ACADM: variants seen among roughly 807,000 people sequenced by gnomAD.
The protein encoded by ACADM is medium-chain specific acyl-CoA dehydrogenase, mitochondrial.
In ACADM, 49 loss-of-function variants were observed where a neutral mutation model predicts 58.9. That is an observed-to-expected ratio of 0.83 (90% CI 0.66 to 1.06). ACADM has a LOEUF of 1.06. Among genes scored for constraint, ACADM ranks in the 50% least tolerant of loss-of-function variants. The pLI is 0.00. For missense variants in ACADM, 496 were observed against 507.0 expected (o/e 0.98, Z 0.21); for synonymous variants, 160 against 157.7 (o/e 1.01, Z -0.11).
At chr1:75,750,075 T>G (rs1440663591) in intron 9 of ACADM, among the ~76,000 whole-genome samples, 1 of 152,186 alleles carries the variant, frequency 6.6e-6, no homozygotes, top group East Asian at 1.9e-4. Context: ...ATTATAGAAA[T>G]TATTTTAGCA....
intron 10 of ACADM, among the ~76,000 whole-genome samples, chr1:75,753,522 T>C (rs1370379036): frequency 6.6e-6 from 1 of 152,022 alleles, no homozygotes; most frequent in Non-Finnish European, 1.5e-5. Context: ...ATAAACAAAT[T>C]TCAACCTAAT....
Position 75,761,365 on chromosome 1 carries a change from T to G in ACADM, c.1189T>G (p.Tyr397Asp), listed in dbSNP as rs759158371. 6.2e-7 allele frequency: 1 copy of G among 1,613,896 alleles called. No individual in the cohort carries two copies. The highest frequency in any genetic ancestry group is 1.3e-5 in the African/African-American group (1 of 75,062). Residue 397 changes from tyrosine (Y) to aspartate (D), a missense_variant, in exon 11 of 12, where the codon TAT becomes GAT. Coordinates refer to ENST00000370841, the MANE Select transcript of ACADM (RefSeq NM_000016.6). Reference protein sequence around the residue: ...VEKLMRDAKIYQIYEGTSQIQ... With the variant: ...VEKLMRDAKIDQIYEGTSQIQ... ...AAAACTAATGAGGGATGCCAAAATC[T>G]ATCAGGTAAGGTTAAAGATGATTTT...
At chr1:75,736,163 C>A (rs1241015694) in intron 6 of ACADM, among the ~76,000 whole-genome samples, 1 of 112,126 alleles carries the variant, frequency 8.9e-6, no homozygotes, top group Non-Finnish European at 1.8e-5. Flanking sequence ...GATAAATACA[C>A]ACACAGACAT....
At chr1:75,726,520 T>G (rs1647060387) in intron 1 of ACADM, among the ~76,000 whole-genome samples, 1 of 152,232 alleles carries the variant, frequency 6.6e-6, no homozygotes, top group Admixed American at 6.5e-5. Context: ...AGTGACCAAT[T>G]AGGATACTAA....
intron 6 of ACADM, among the ~76,000 whole-genome samples, chr1:75,736,049 A>G (rs1647251057): frequency 6.6e-6 from 1 of 152,174 alleles, no homozygotes; most frequent in South Asian, 2.1e-4. Context: ...AGAAATAGCA[A>G]CTTATTTGTT....
rs932606434 is a variant in ACADM, at chr1:75,732,421, T to C, written c.119-223T>C. The C allele has an allele frequency of 5.5e-6, 3 of 546,258 alleles. No homozygotes were observed. In the African/African-American group the frequency reaches 5.7e-5, roughly 10 times the overall value. The allele number at this position is 546,258 out of a possible 1,614,324, so 33.8% of individuals were successfully genotyped here. A position where few individuals can be genotyped will look rare whatever the true frequency, so the allele number is the denominator to read the frequency against. Reference sequence around the variant, plus strand: ...CAGGTTAATATCTATTACTCATTTGTAAAAGTTAAAAATCTTACCTATTTC... The same window carrying C: ...CAGGTTAATATCTATTACTCATTTGCAAAAGTTAAAAATCTTACCTATTTC... On this transcript the variant is annotated intron_variant, in intron 2 of 11. Coordinates refer to ENST00000370841, the MANE Select transcript of ACADM (RefSeq NM_000016.6).
Position 75,761,932 on chromosome 1 carries a change from C to T in ACADM, c.1194+562C>T, listed in dbSNP as rs187804180. Reference sequence around the variant, plus strand: ...TCCTCAGTATCTCTTCCCTTGTTCCCCCTACACCTAGCAAATTATTTGACT... The same window carrying T: ...TCCTCAGTATCTCTTCCCTTGTTCCTCCTACACCTAGCAAATTATTTGACT... On this transcript the variant is annotated intron_variant, in intron 11 of 11. Coordinates refer to ENST00000370841, the MANE Select transcript of ACADM (RefSeq NM_000016.6). Among the ~76,000 whole-genome samples the T allele has an allele frequency of 1.1e-4, 17 of 152,290 alleles. No homozygotes were observed. In the East Asian group the frequency reaches 3.3e-3, roughly 29 times the overall value.
Position 75,732,683 on chromosome 1 carries a change from G to A in ACADM, c.158G>A (p.Arg53His), listed in dbSNP as rs754938068. Reference protein sequence around the residue: ...EQQKEFQATARKFAREEIIPV... With the variant: ...EQQKEFQATAHKFAREEIIPV... ...CAGAAAGAATTTCAAGCTACTGCTCGTAAATTTGCCAGAGAGGAAATCATC... is the reference window on the plus strand; with the variant it reads ...CAGAAAGAATTTCAAGCTACTGCTCATAAATTTGCCAGAGAGGAAATCATC... The change falls in exon 3 of 12, where the codon CGT (arginine) becomes CAT (histidine). Residue 53 changes from arginine to histidine, a missense_variant. Physicochemically the swap from Arg to His is conservative, Grantham distance 29. Transcript: ENST00000370841. 15 of 1,613,992 alleles carry A rather than the reference G, an allele frequency of 9.3e-6. No homozygotes were observed. The highest frequency in any genetic ancestry group is 3.3e-5 in the Admixed American group (2 of 60,018).
intron 10 of ACADM, among the ~76,000 whole-genome samples, chr1:75,754,463 G>T (rs2100431789): frequency 6.6e-6 from 1 of 152,116 alleles, no homozygotes; most frequent in South Asian, 2.1e-4. Flanking sequence ...ACCCACCTTG[G>T]CCTCCCAGTG....
At chr1:75,747,987 C>T (rs550521916) in intron 8 of ACADM, among the ~76,000 whole-genome samples, 36 of 152,152 alleles carry the variant, frequency 2.4e-4, no homozygotes, top group African/African-American at 7.9e-4. Flanking sequence ...GTCAAACTAT[C>T]GTTATTATTT....
At chr1:75,737,327 T>TATATATATATATATGA (rs1491168235) in intron 6 of ACADM, among the ~76,000 whole-genome samples, 8 of 76,664 alleles carry the variant, frequency 1.0e-4, no homozygotes, top group South Asian at 9.2e-4. Context: ...TATATATATA[T>TATATATATATATATGA]GAAACCAAAA....
chr1:75,744,512 A>G, intron 7 of ACADM: 1 of 1,527,390 alleles, frequency 6.5e-7, no homozygotes, highest in Admixed American at 1.7e-5. Flanking sequence ...GCTTTCTCCC[A>G]CCTGACATCT....
chr1:75,761,846 T>C (rs1198702348), intron 11 of ACADM, among the ~76,000 whole-genome samples: 1 of 152,212 alleles, frequency 6.6e-6, no homozygotes. Flanking sequence ...AAAGGAAATA[T>C]AAATGTGCAT....
intron 10 of ACADM, chr1:75,754,862 A>G (rs1320663121): frequency 1.3e-5 from 2 of 152,310 alleles, no homozygotes; most frequent in Non-Finnish European, 2.9e-5. Context: ...TTTCCTAGCT[A>G]AGGGAAACTG....
At chr1:75,743,449 T>C in intron 7 of ACADM, 2 of 1,610,852 alleles carry the variant, frequency 1.2e-6, no homozygotes, top group East Asian at 4.5e-5. Context: ...TCTGGGATCC[T>C]CTACCGCTGC....
chr1:75,730,104 A>G (rs1289528466), intron 2 of ACADM, among the ~76,000 whole-genome samples: 1 of 152,036 alleles, frequency 6.6e-6, no homozygotes, highest in Middle Eastern at 3.2e-3. Context: ...CATGTTGGCA[A>G]CGCTGGTCTC....
rs1456340282 is a variant in ACADM at position 75,740,198 on chromosome 1, A to G, written c.599+88A>G. Reference sequence around the variant, plus strand: ...TCTTTCTGTATATTTTTAAACCACTACAGTTAAGGTATGTTTGTGGAACTG... The same window carrying G: ...TCTTTCTGTATATTTTTAAACCACTGCAGTTAAGGTATGTTTGTGGAACTG... On this transcript the variant is annotated intron_variant, in intron 7 of 11. Coordinates refer to ENST00000370841, the MANE Select transcript of ACADM (RefSeq NM_000016.6). 3.0e-6 allele frequency: 4 copies of G among 1,342,204 alleles called. No individual in the cohort carries two copies. In the African/African-American group the frequency reaches 4.4e-5, roughly 15 times the overall value. 83.1% of individuals were successfully genotyped at this position (1,342,204 alleles called of 1,614,324 possible). A position where few individuals can be genotyped will look rare whatever the true frequency, so the allele number is the denominator to read the frequency against.
intron 1 of ACADM, 57 bp from the exon 2 acceptor site, chr1:75,728,344 C>G: frequency 7.0e-7 from 1 of 1,422,938 alleles, no homozygotes; most frequent in South Asian, 1.2e-5. Flanking sequence ...TCAGTAGTCT[C>G]TTATCTGATT....
chr1:75,744,077 A>C lies in ACADM; in HGVS notation c.600-1729A>C, dbSNP rs957032568. The C allele has an allele frequency of 3.8e-6, 6 of 1,587,722 alleles. No homozygotes were observed. The Admixed American group carries it at 8.3e-5, about 22-fold the overall frequency. Reference sequence around the variant, plus strand: ...CTGGGCCTCCTTCAGACGCTGAGCAATGCACTGCCGCATCCTGTTCATTTT... The same window carrying C: ...CTGGGCCTCCTTCAGACGCTGAGCACTGCACTGCCGCATCCTGTTCATTTT... On this transcript the variant is annotated intron_variant, in intron 7 of 11. Coordinates refer to ENST00000370841, the MANE Select transcript of ACADM (RefSeq NM_000016.6).
Sources: allele counts gnomAD v4.1 joint callset (sites outside exome capture counted in the v4.1 genomes callset), GRCh38; gene constraint gnomAD v4.1.1; transcripts MANE v1.5; gene names NCBI Gene and HGNC (gene_info 2026-07-23, HGNC 2026-07-21).